Variants in CACNA2D1 observed in about 807,000 individuals in gnomAD.
CACNA2D1 encodes calcium voltage-gated channel auxiliary subunit alpha2delta 1.
In CACNA2D1, 53 loss-of-function variants were observed where a neutral mutation model predicts 171.5. The ratio of observed to expected loss-of-function variants is 0.31; its 90% confidence interval spans 0.25 to 0.39. CACNA2D1 has a LOEUF of 0.39. CACNA2D1 is among the 10% of genes least tolerant of loss of function. CACNA2D1 has a pLI of 1.00. For missense variants in CACNA2D1, 903 were observed against 1,299.8 expected (o/e 0.69, Z 4.69); for synonymous variants, 442 against 443.1 (o/e 1.00, Z 0.03).
At chr7:82,027,719 G>T (rs987147271) in intron 12 of CACNA2D1, 17 of 151,708 alleles carry the variant, frequency 1.1e-4, no homozygotes, top group African/African-American at 3.1e-4. Flanking sequence ...AACAGCACAC[G>T]CTAACTTCAT....
chr7:82,215,562 A>G (rs1050434812), intron 3 of CACNA2D1, among the ~76,000 whole-genome samples: 2 of 152,188 alleles, frequency 1.3e-5, no homozygotes, highest in Admixed American at 6.5e-5. Context: ...TACCTAATAT[A>G]TAATATAATT....
chr7:82,050,755 T>C, intron 10 of CACNA2D1: 1 of 651,510 alleles, frequency 1.5e-6, no homozygotes, highest in Admixed American at 2.2e-5. Context: ...ATAACAATAA[T>C]CATCATCATA....
At chr7:82,388,066 AAAAAAAAAAAAC>A (rs1182216835) in intron 1 of CACNA2D1, among the ~76,000 whole-genome samples, 2 of 147,404 alleles carry the variant, frequency 1.4e-5, no homozygotes, top group African/African-American at 2.5e-5. Context: ...TGTCTCCAAA[AAAAAAAAAAAAC>A]AAAAACAAAA....
At chr7:82,046,454 T>G (rs577888603) in intron 10 of CACNA2D1, among the ~76,000 whole-genome samples, 1 of 152,152 alleles carries the variant, frequency 6.6e-6, no homozygotes, top group Admixed American at 6.6e-5. Flanking sequence ...AAGAAACATA[T>G]TGAGAATGAA....
At chr7:82,412,522 A>G (rs1407597832) in intron 1 of CACNA2D1, among the ~76,000 whole-genome samples, 1 of 151,800 alleles carries the variant, frequency 6.6e-6, no homozygotes, top group Non-Finnish European at 1.5e-5. Flanking sequence ...ACCTCAAGTA[A>G]TCTGCCCGCC....
intron 3 of CACNA2D1, among the ~76,000 whole-genome samples, chr7:82,222,188 A>G (rs1801844294): frequency 1.3e-5 from 2 of 152,200 alleles, no homozygotes; most frequent in African/African-American, 4.8e-5. Flanking sequence ...AAGACAGTAG[A>G]AAGTGGAAGC....
intron 7 of CACNA2D1, among the ~76,000 whole-genome samples, chr7:82,083,574 G>T (rs569572697): frequency 1.6e-4 from 24 of 152,036 alleles, no homozygotes; most frequent in African/African-American, 5.5e-4. Context: ...CTATTATAAT[G>T]ATAAACTATG....
chr7:82,374,619 G>A (rs1164153274), intron 1 of CACNA2D1, among the ~76,000 whole-genome samples: 2 of 152,016 alleles, frequency 1.3e-5, no homozygotes, highest in Admixed American at 6.6e-5. Flanking sequence ...AATAAATAAA[G>A]CCGAATGAAA....
intron 1 of CACNA2D1, among the ~76,000 whole-genome samples, chr7:82,412,974 T>G (rs1197420429): frequency 6.6e-6 from 1 of 152,108 alleles, no homozygotes; most frequent in Non-Finnish European, 1.5e-5. Context: ...AAATAAGCAT[T>G]AACAGTTTGT....
intron 3 of CACNA2D1, among the ~76,000 whole-genome samples, chr7:82,301,882 C>T (rs1032216435): frequency 1.3e-5 from 2 of 151,762 alleles, no homozygotes; most frequent in African/African-American, 2.4e-5. Context: ...CTCAGCCTCC[C>T]GAGTAGCTGG....
chr7:82,022,899 CTCAT>C (rs747163215), intron 12 of CACNA2D1, among the ~76,000 whole-genome samples: 22 of 151,744 alleles, frequency 1.4e-4, no homozygotes, highest in Middle Eastern at 6.8e-3. Flanking sequence ...CTCATTTGTT[CTCAT>C]TCAATTTACT....
intron 20 of CACNA2D1, among the ~76,000 whole-genome samples, chr7:81,993,869 G>A (rs1353224027): frequency 1.3e-5 from 2 of 152,044 alleles, no homozygotes; most frequent in Non-Finnish European, 2.9e-5. Context: ...GGAGTTAATA[G>A]AATATTACTT....
rs374065484 is a variant in CACNA2D1, at chr7:81,969,019, A to C, written c.2309-46T>G. The C allele has an allele frequency of 5.3e-5, 56 of 1,047,484 alleles. No individual in the cohort carries two copies. The African/African-American group carries it at 8.2e-4, about 15-fold the overall frequency. 64.9% of individuals were successfully genotyped at this position (1,047,484 alleles called of 1,614,324 possible). A position where few individuals can be genotyped will look rare whatever the true frequency, so the allele number is the denominator to read the frequency against. ...TAAAACACCTATCAAGATATATTGA[A>C]TAATAATATTGATTTTCCGTCATTA... On this transcript the variant is annotated intron_variant, in intron 28 of 38. Coordinates refer to ENST00000356860, the MANE Select transcript of CACNA2D1 (RefSeq NM_000722.4).
chr7:82,067,920 CA>C (rs1483582714), intron 7 of CACNA2D1, among the ~76,000 whole-genome samples: 1 of 152,192 alleles, frequency 6.6e-6, no homozygotes, highest in East Asian at 1.9e-4. Flanking sequence ...CACTCAACTC[CA>C]AATGCATCCT....
chr7:82,078,931 A>G (rs1318998251), intron 7 of CACNA2D1, among the ~76,000 whole-genome samples: 1 of 152,180 alleles, frequency 6.6e-6, no homozygotes, highest in East Asian at 1.9e-4. Context: ...AGAAGAAGTG[A>G]GAAGAAAAAG....
At chr7:82,062,006 C>A (rs1806989565) in intron 9 of CACNA2D1, among the ~76,000 whole-genome samples, 1 of 152,104 alleles carries the variant, frequency 6.6e-6, no homozygotes, top group Admixed American at 6.6e-5. Context: ...CTTGTGACCT[C>A]CAGAATAATG....
At chr7:82,238,460 G>T (rs1401305084) in intron 3 of CACNA2D1, among the ~76,000 whole-genome samples, 1 of 151,838 alleles carries the variant, frequency 6.6e-6, no homozygotes, top group Non-Finnish European at 1.5e-5. Flanking sequence ...CATATATACG[G>T]CCAACAATCA....
At position 81,970,740 on chromosome 7, in the gene CACNA2D1, G is replaced by A. The variant is rs1285172483; in HGVS notation, c.2142-3C>T. On this transcript the variant is annotated splice_polypyrimidine_tract_variant and splice_region_variant and intron_variant, in intron 26 of 38. Coordinates refer to ENST00000356860, the MANE Select transcript of CACNA2D1 (RefSeq NM_000722.4). ...CAAATCGTGCTTTCACTCCCTTGCT[G>A]AAACAGAAGACAAAACAAGGAAATG... is the stretch of plus-strand genomic sequence containing the variant. 2 of 1,559,450 alleles carry A rather than the reference G, an allele frequency of 1.3e-6. No individual in the cohort carries two copies. The highest frequency in any genetic ancestry group is 1.8e-6 in the Non-Finnish European group (2 of 1,130,876).
chr7:82,099,937 G>C (rs932025808), intron 6 of CACNA2D1, among the ~76,000 whole-genome samples: 11 of 152,114 alleles, frequency 7.2e-5, no homozygotes, highest in African/African-American at 1.2e-4. Flanking sequence ...GCCTGTCAGG[G>C]GGTAGGAGAA....
Sources: gnomAD v4.1 joint callset for allele counts (sites outside exome capture counted in the v4.1 genomes callset) on GRCh38, gnomAD v4.1.1 for gene constraint, MANE v1.5 for transcripts, NCBI Gene and HGNC (gene_info 2026-07-23, HGNC 2026-07-21) for gene names.